SNTG2: variants seen among roughly 807,000 people sequenced by gnomAD.
SNTG2 encodes the protein gamma-2-syntrophin.
A neutral mutation model predicts 70.9 loss-of-function variants in SNTG2; 74 were observed. The observed-to-expected ratio is 1.04, with a 90% CI of 0.86 to 1.27. The LOEUF (loss-of-function observed/expected upper bound fraction) is 1.27. Among genes scored for constraint, SNTG2 ranks in the 50% most tolerant of loss-of-function variants. SNTG2 has a pLI of 0.00. For missense variants in SNTG2, 717 were observed against 690.7 expected (o/e 1.04, Z -0.43); for synonymous variants, 278 against 273.8 (o/e 1.02, Z -0.15).
chr2:1,058,412 T>C (rs1288519504), intron 1 of SNTG2, among the ~76,000 whole-genome samples: 1 of 152,230 alleles, frequency 6.6e-6, no homozygotes, highest in East Asian at 1.9e-4. Flanking sequence ...CATTGTTTCT[T>C]TGAAATTCTC....
intron 1 of SNTG2, among the ~76,000 whole-genome samples, chr2:1,063,405 C>G (rs772586102): frequency 5.3e-5 from 8 of 152,114 alleles, no homozygotes; most frequent in Non-Finnish European, 1.2e-4. Flanking sequence ...TTTGCAGAAG[C>G]CTGGGAGTGG....
chr2:968,640 A>C (rs548179312), intron 1 of SNTG2, among the ~76,000 whole-genome samples: 112 of 152,206 alleles, frequency 7.4e-4, no homozygotes, highest in African/African-American at 2.6e-3. Flanking sequence ...TGGTGCTTTA[A>C]TCCCTTCCCA....
chr2:1,352,806 T>C (rs1660654591), intron 16 of SNTG2, among the ~76,000 whole-genome samples: 1 of 152,228 alleles, frequency 6.6e-6, no homozygotes, highest in South Asian at 2.1e-4. Flanking sequence ...AAATGAGGAC[T>C]GTATCACCTA....
chr2:985,051 A>G (rs981085368), intron 1 of SNTG2, among the ~76,000 whole-genome samples: 4 of 152,172 alleles, frequency 2.6e-5, no homozygotes, highest in Admixed American at 6.5e-5. Context: ...CCCAAAAACA[A>G]TCACCTCAAT....
chr2:1,157,788 G>A (rs1350132939), intron 6 of SNTG2, among the ~76,000 whole-genome samples: 1 of 152,190 alleles, frequency 6.6e-6, no homozygotes, highest in Non-Finnish European at 1.5e-5. Context: ...CTAGAGATGT[G>A]CTGTAGGAAT....
chr2:1,082,388 G>T (rs1664386845), intron 1 of SNTG2, among the ~76,000 whole-genome samples: 1 of 152,186 alleles, frequency 6.6e-6, no homozygotes, highest in African/African-American at 2.4e-5. Flanking sequence ...TGAACCCCCT[G>T]TTTGGTTCTC....
chr2:1,083,456 T>C (rs1327516861), intron 1 of SNTG2, 62 bp from the exon 2 acceptor site: 1 of 1,593,016 alleles, frequency 6.3e-7, no homozygotes. Flanking sequence ...GTGCGTCACC[T>C]ATCCCCACCC....
At chr2:1,139,387 A>G (rs115741714) in intron 6 of SNTG2, among the ~76,000 whole-genome samples, 1,848 of 152,200 alleles carry the variant, frequency 0.012, 42 homozygotes, top group African/African-American at 0.042. Context: ...GCCCACCACC[A>G]TGCCTGGTTA....
At chr2:1,358,270 CATT>C (rs1474561539) in intron 16 of SNTG2, among the ~76,000 whole-genome samples, 1 of 152,104 alleles carries the variant, frequency 6.6e-6, no homozygotes, top group Non-Finnish European at 1.5e-5. Flanking sequence ...CAGTCCGTAA[CATT>C]AGTCTAGTTA....
At chr2:1,053,712 G>T (rs1572312170) in intron 1 of SNTG2, among the ~76,000 whole-genome samples, 1 of 152,176 alleles carries the variant, frequency 6.6e-6, no homozygotes, top group Admixed American at 6.5e-5. Flanking sequence ...CCTCCATGTG[G>T]TGACTCTGGT....
chr2:992,798 T>C (rs1661544950), intron 1 of SNTG2, among the ~76,000 whole-genome samples: 1 of 152,216 alleles, frequency 6.6e-6, no homozygotes, highest in African/African-American at 2.4e-5. Flanking sequence ...AGCTGTCTTA[T>C]TCTTTTATAG....
intron 16 of SNTG2, among the ~76,000 whole-genome samples, chr2:1,324,531 G>A (rs561173918): frequency 6.6e-6 from 1 of 152,252 alleles, no homozygotes; most frequent in African/African-American, 2.4e-5. Context: ...TTCTTCTTTA[G>A]AGACTTCTTG....
intron 9 of SNTG2, among the ~76,000 whole-genome samples, chr2:1,224,646 A>G (rs1675643795): frequency 6.6e-6 from 1 of 152,186 alleles, no homozygotes; most frequent in Non-Finnish European, 1.5e-5. Context: ...AATGCATTCC[A>G]TGTTCCCCTC....
At chr2:1,020,755 A>G (rs1249894846) in intron 1 of SNTG2, among the ~76,000 whole-genome samples, 1 of 152,204 alleles carries the variant, frequency 6.6e-6, no homozygotes, top group Non-Finnish European at 1.5e-5. Flanking sequence ...CACATCAGGA[A>G]GTCCCATTAT....
intron 1 of SNTG2, among the ~76,000 whole-genome samples, chr2:979,920 A>G (rs1661045351): frequency 6.6e-6 from 1 of 152,180 alleles, no homozygotes; most frequent in Non-Finnish European, 1.5e-5. Context: ...TGAAAGAATT[A>G]TGCCACATTT....
chr2:1,109,139 A>G (rs537500647), intron 4 of SNTG2, among the ~76,000 whole-genome samples: 15 of 152,138 alleles, frequency 9.9e-5, no homozygotes, highest in African/African-American at 3.4e-4. Flanking sequence ...GCACAGCTTC[A>G]TCATGACATG....
rs562845508 is a variant in SNTG2, at chr2:1,171,513, C to A, written c.500-1579C>A. Among the ~76,000 whole-genome samples the A allele has an allele frequency of 2.6e-5, 4 of 152,312 alleles. No individual in the cohort carries two copies. In the South Asian group the frequency reaches 8.3e-4, roughly 32 times the overall value. ...TTCAAATAGATAACAGTGAAATGTG[C>A]TTCTGAACGCTAAAGGGCAGATTCA... On this transcript the variant is annotated intron_variant, in intron 7 of 16. Coordinates refer to ENST00000308624, the MANE Select transcript of SNTG2 (RefSeq NM_018968.4).
chr2:1,254,832 G>A (rs1484201793), intron 12 of SNTG2, among the ~76,000 whole-genome samples: 1 of 152,166 alleles, frequency 6.6e-6, no homozygotes, highest in Non-Finnish European at 1.5e-5. Flanking sequence ...TTTGTTCCAT[G>A]AGAGTCTGGA....
chr2:1,231,948 C>T (rs887335080), intron 9 of SNTG2, among the ~76,000 whole-genome samples: 4 of 152,190 alleles, frequency 2.6e-5, no homozygotes, highest in South Asian at 2.1e-4. Context: ...GATGGCTCCA[C>T]GGCAAGATGC....
Sources: gnomAD v4.1 joint callset for allele counts (sites outside exome capture counted in the v4.1 genomes callset) on GRCh38, gnomAD v4.1.1 for gene constraint, MANE v1.5 for transcripts, NCBI Gene and HGNC (gene_info 2026-07-23, HGNC 2026-07-21) for gene names.